Variants in SHISA9 observed in about 807,000 individuals in gnomAD.
SHISA9 encodes the protein protein shisa-9.
A neutral mutation model predicts 38.0 loss-of-function variants in SHISA9; 13 were observed. That is an observed-to-expected ratio of 0.34 (90% CI 0.22 to 0.54). The LOEUF (loss-of-function observed/expected upper bound fraction) is 0.54. Among genes scored for constraint, SHISA9 ranks in the 20% least tolerant of loss-of-function variants. SHISA9 has a pLI of 0.91. For synonymous variants in SHISA9, 275 were observed against 242.0 expected, an observed-to-expected ratio of 1.14 and a Z score of -1.27; for missense variants, 538 against 575.8, an observed-to-expected ratio of 0.93 and a Z score of 0.67.
the SHISA9 span, among the ~76,000 whole-genome samples, chr16:13,396,538 C>T: frequency 6.6e-6 from 1 of 152,170 alleles, no homozygotes; most frequent in Middle Eastern, 3.2e-3. Context: ...GGGCTCATGG[C>T]ATAACCTGGT....
At chr16:13,348,096 G>C in the SHISA9 span, among the ~76,000 whole-genome samples, 2 of 152,186 alleles carry the variant, frequency 1.3e-5, no homozygotes, top group Non-Finnish European at 2.9e-5. Context: ...CACTAAGTCT[G>C]CGGTTAGTTG....
intron 4 of SHISA9, among the ~76,000 whole-genome samples, chr16:13,227,011 A>G (rs913980512): frequency 7.9e-5 from 12 of 152,302 alleles, no homozygotes; most frequent in African/African-American, 2.6e-4. Flanking sequence ...TATGCCACAT[A>G]TTCCCTCACG....
chr16:13,469,425 A>AAGAAAGAAAGAGAAAGAAAG, the SHISA9 span, among the ~76,000 whole-genome samples: 60 of 117,372 alleles, frequency 5.1e-4, no homozygotes, highest in African/African-American at 1.9e-3. Flanking sequence ...AAGAAAGAAA[A>AAGAAAGAAAGAGAAAGAAAG]AGAAAGAAAG....
the SHISA9 span, among the ~76,000 whole-genome samples, chr16:13,400,421 A>G: frequency 6.6e-6 from 1 of 152,138 alleles, no homozygotes; most frequent in Middle Eastern, 3.2e-3. Flanking sequence ...AACTCTTTGC[A>G]TCTGAATCTT....
chr16:12,976,396 C>T (rs553601987), intron 2 of SHISA9, among the ~76,000 whole-genome samples: 7 of 152,184 alleles, frequency 4.6e-5, no homozygotes, highest in African/African-American at 9.6e-5. Context: ...TGGCCAAACT[C>T]GTTAATTTTT....
intron 2 of SHISA9, among the ~76,000 whole-genome samples, chr16:13,155,400 G>A (rs903488718): frequency 6.6e-6 from 1 of 152,064 alleles, no homozygotes; most frequent in Non-Finnish European, 1.5e-5. Context: ...TTTCTTCTAG[G>A]GTCCTACCCC....
At chr16:13,194,285 A>G (rs753443440) in intron 2 of SHISA9, among the ~76,000 whole-genome samples, 1 of 152,196 alleles carries the variant, frequency 6.6e-6, no homozygotes, top group Non-Finnish European at 1.5e-5. Flanking sequence ...TTCACATTGT[A>G]TTACTGTCTG....
chr16:12,964,380 TTC>T (rs1270718972), intron 2 of SHISA9, among the ~76,000 whole-genome samples: 8 of 145,624 alleles, frequency 5.5e-5, no homozygotes, highest in East Asian at 1.9e-4. Flanking sequence ...ACATTGGACT[TTC>T]TGTTTTTTTT....
chr16:13,339,851 A>C, the SHISA9 span, among the ~76,000 whole-genome samples: 1 of 152,220 alleles, frequency 6.6e-6, no homozygotes, highest in African/African-American at 2.4e-5. Flanking sequence ...GATTGTTATG[A>C]AAGTTACATG....
intron 2 of SHISA9, among the ~76,000 whole-genome samples, chr16:13,093,843 T>C (rs1271029952): frequency 6.6e-6 from 1 of 152,168 alleles, no homozygotes; most frequent in African/African-American, 2.4e-5. Context: ...CTAGTTCAGA[T>C]GCAATTGTTG....
intron 2 of SHISA9, among the ~76,000 whole-genome samples, chr16:12,981,588 A>C (rs769573784): frequency 6.6e-6 from 1 of 152,218 alleles, no homozygotes; most frequent in African/African-American, 2.4e-5. Context: ...CAGTCTAGCC[A>C]GCTCAGCATC....
intron 4 of SHISA9, among the ~76,000 whole-genome samples, chr16:13,218,128 C>T (rs1365476926): frequency 6.6e-6 from 1 of 152,172 alleles, no homozygotes; most frequent in African/African-American, 2.4e-5. Context: ...CATGAGGAAA[C>T]TGGGGTTTCC....
chr16:12,905,952 C>A (rs890005281), intron 1 of SHISA9, among the ~76,000 whole-genome samples: 1 of 152,196 alleles, frequency 6.6e-6, no homozygotes, highest in Non-Finnish European at 1.5e-5. Flanking sequence ...TTCTGTGGTG[C>A]TGGGGCTACC....
chr16:13,462,962 A>T, the SHISA9 span, among the ~76,000 whole-genome samples: 1 of 140,464 alleles, frequency 7.1e-6, no homozygotes, highest in Non-Finnish European at 1.6e-5. Flanking sequence ...ACTCCATCTT[A>T]AAAAATAAAT....
chr16:13,376,585 G>GC, the SHISA9 span, among the ~76,000 whole-genome samples: 2 of 152,176 alleles, frequency 1.3e-5, no homozygotes, highest in East Asian at 3.9e-4. Flanking sequence ...ATGGCTATGA[G>GC]CAAACACATG....
At chr16:12,998,311 C>A (rs1281770794) in intron 2 of SHISA9, among the ~76,000 whole-genome samples, 2 of 152,232 alleles carry the variant, frequency 1.3e-5, no homozygotes, top group Non-Finnish European at 2.9e-5. Context: ...GTCTCAAAGA[C>A]AATTGACATT....
intron 2 of SHISA9, among the ~76,000 whole-genome samples, chr16:13,121,464 C>G (rs574350266): frequency 2.0e-5 from 3 of 152,108 alleles, no homozygotes; most frequent in Non-Finnish European, 2.9e-5. Context: ...TGTGCTTCAG[C>G]TTGAGTGGCA....
the SHISA9 span, among the ~76,000 whole-genome samples, chr16:13,469,360 AAAGAAAAAGAAAGAAAG>A: frequency 7.2e-4 from 32 of 44,488 alleles, no homozygotes; most frequent in East Asian, 5.1e-3. Context: ...GAAAGAAAGA[AAAGAAAAAGAAAGAAAG>A]AAAGAAAGAA....
At chr16:12,917,100 A>G (rs2071268845) in intron 2 of SHISA9, among the ~76,000 whole-genome samples, 1 of 152,196 alleles carries the variant, frequency 6.6e-6, no homozygotes, top group South Asian at 2.1e-4. Context: ...TAACTAGATT[A>G]GTGGCCCTCT....
Sources: gnomAD v4.1 joint callset for allele counts (sites outside exome capture counted in the v4.1 genomes callset) on GRCh38, gnomAD v4.1.1 for gene constraint, MANE v1.5 for transcripts, NCBI Gene and HGNC (gene_info 2026-07-23, HGNC 2026-07-21) for gene names.